Variants in ZNF140 observed in about 807,000 individuals in gnomAD.
The protein encoded by ZNF140 is zinc finger protein 140 (clone pHZ-39).
ZNF140 carries 13 observed loss-of-function variants against 12.9 expected under a neutral mutation model. That is an observed-to-expected ratio of 1.01 (90% CI 0.66 to 1.60). The LOEUF (loss-of-function observed/expected upper bound fraction) is 1.60, where lower values mean the gene tolerates loss of function less well. ZNF140 is among the 40% of genes most tolerant of loss of function. The pLI is 0.00. For missense variants in ZNF140, 531 were observed against 548.8 expected, an observed-to-expected ratio of 0.97 and a Z score of 0.32; for synonymous variants, 214 against 186.7, an observed-to-expected ratio of 1.15 and a Z score of -1.19.
At chr12:133,104,518 A>G (rs973171688) in intron 4 of ZNF140, among the ~76,000 whole-genome samples, 2 of 151,976 alleles carry the variant, frequency 1.3e-5, no homozygotes, top group Non-Finnish European at 2.9e-5. Flanking sequence ...CGCCTGGCTA[A>G]TTTTTTGTAT....
rs1210825844 is a variant in ZNF140 at position 133,096,737 on chromosome 12, T to G, written c.233-8773T>G. Reference sequence around the variant, plus strand: ...TTCCATTGTGGTCTGACAGCACATATTATATGATTTCTATTCTTTGAAATT... The same window carrying G: ...TTCCATTGTGGTCTGACAGCACATAGTATATGATTTCTATTCTTTGAAATT... On this transcript the variant is annotated intron_variant, in intron 4 of 4. Transcript: ENST00000355557. Among the ~76,000 whole-genome samples the G allele has an allele frequency of 2.6e-5, 4 of 152,368 alleles. 1 individual carries two copies. The highest frequency in any genetic ancestry group is 7.2e-5 in the African/African-American group (3 of 41,588).
chr12:133,087,542 G>A (rs1017732167), intron 4 of ZNF140, among the ~76,000 whole-genome samples: 1 of 146,528 alleles, frequency 6.8e-6, no homozygotes, highest in African/African-American at 2.5e-5. Flanking sequence ...AAAAGCGGGA[G>A]TGGAGGAGAA....
chr12:133,101,009 A>T, intron 4 of ZNF140: 1 of 454,968 alleles, frequency 2.2e-6, no homozygotes. Flanking sequence ...GTGAAAAACT[A>T]CAGAGGAGAG....
Position 133,106,380 on chromosome 12 carries a change from G to A in ZNF140, c.1103G>A (p.Trp368Ter). Reference protein sequence around the residue: ...ECDECGKVFTWHASLIQHTKS... With the variant: ...ECDECGKVFT ...GATGAATGTGGTAAAGTTTTCACTT[G>A]GCATGCATCCCTTATTCAACATACG... The change falls in exon 5 of 5, where the codon TGG becomes TAG. Residue 368 changes from tryptophan to a stop codon, truncating the protein, a stop_gained. Transcript: ENST00000355557. LOFTEE classifies it low-confidence loss of function (END_TRUNC). 6.2e-7 allele frequency: 1 copy of A among 1,614,084 alleles called. No homozygotes were observed. The highest frequency in any genetic ancestry group is 8.5e-7 in the Non-Finnish European group (1 of 1,180,014).
intron 4 of ZNF140, among the ~76,000 whole-genome samples, chr12:133,085,861 T>G (rs1211154230): frequency 1.3e-5 from 2 of 151,982 alleles, no homozygotes; most frequent in African/African-American, 4.8e-5. Flanking sequence ...CACAAAAAAA[T>G]TTTAAAAGCT....
chr12:133,083,341 T>G, intron 3 of ZNF140, 112 bp downstream of exon 3: 1 of 1,499,014 alleles, frequency 6.7e-7, no homozygotes, highest in South Asian at 1.3e-5. Flanking sequence ...AAAATTAGTT[T>G]TAAGATGGGG....
intron 4 of ZNF140, among the ~76,000 whole-genome samples, chr12:133,090,388 C>T (rs1954814890): frequency 6.6e-6 from 1 of 152,036 alleles, no homozygotes; most frequent in African/African-American, 2.4e-5. Context: ...AATGATCTAC[C>T]CACCTTGGCC....
chr12:133,106,450 T>C lies in ZNF140; in HGVS notation c.1173T>C (p.Asp391=). Residue 391 remains aspartate, a synonymous_variant, in exon 5 of 5, where the codon GAT becomes GAC. Transcript: ENST00000355557. ...AACCCTATGCGTGTGCTGAATGTGA[T>C]AAAGCCTTCAGCCGGAGCTTTTCCC... ...GEKPYACAEC[D]KAFSRSFSLI... The C allele has an allele frequency of 1.9e-6, 3 of 1,614,072 alleles. No individual in the cohort carries two copies. Among genetic ancestry groups the C allele is most frequent in the Non-Finnish European group, 1.7e-6 (2 of 1,179,998 alleles).
chr12:133,089,558 C>T (rs1394249826), intron 4 of ZNF140, among the ~76,000 whole-genome samples: 4 of 152,066 alleles, frequency 2.6e-5, no homozygotes, highest in African/African-American at 9.7e-5. Flanking sequence ...AGATAGTTTC[C>T]TCCTTATTGT....
chr12:133,099,625 C>T (rs1353566691), intron 4 of ZNF140, among the ~76,000 whole-genome samples: 2 of 152,188 alleles, frequency 1.3e-5, no homozygotes, highest in East Asian at 1.9e-4. Flanking sequence ...ATTTGAGGCT[C>T]TAGTGAAATA....
intron 4 of ZNF140, among the ~76,000 whole-genome samples, chr12:133,091,673 A>G (rs1180372179): frequency 1.3e-5 from 2 of 150,986 alleles, no homozygotes; most frequent in African/African-American, 4.9e-5. Flanking sequence ...ACAAGGATTA[A>G]TACAAAATTT....
At chr12:133,102,556 T>C (rs1233803044) in intron 4 of ZNF140, among the ~76,000 whole-genome samples, 3 of 151,892 alleles carry the variant, frequency 2.0e-5, no homozygotes, top group Non-Finnish European at 4.4e-5. Context: ...TGAAACCCCA[T>C]CTCTACTAAG....
At chr12:133,095,741 G>T (rs561006598) in intron 4 of ZNF140, among the ~76,000 whole-genome samples, 249 of 151,414 alleles carry the variant, frequency 1.6e-3, no homozygotes, top group African/African-American at 5.6e-3. Context: ...GTGAGCAAAA[G>T]AATCTATGTC....
At chr12:133,081,562 A>G (rs1304757364) in intron 2 of ZNF140, 1 of 454,768 alleles carries the variant, frequency 2.2e-6, no homozygotes, top group African/African-American at 2.0e-5. Flanking sequence ...TTCTCCTACA[A>G]CCACCTGCCT....
chr12:133,083,676 T>TA, intron 4 of ZNF140, 115 bp downstream of exon 4: 3 of 977,350 alleles, frequency 3.1e-6, no homozygotes, highest in Non-Finnish European at 4.6e-6. Flanking sequence ...ATACTAGAGA[T>TA]ACGCTAGGCA....
At chr12:133,105,383 C>A in intron 4 of ZNF140, 127 bp from the exon 5 acceptor site, 1 of 943,638 alleles carries the variant, frequency 1.1e-6, no homozygotes, top group Non-Finnish European at 1.5e-6. Context: ...ATTTCAGTCA[C>A]AGCTGTGAAA....
In ZNF140 at chr12:133,101,959, C is replaced by CT. The variant is rs1275544316; in HGVS notation, c.233-3539dup. Among the ~76,000 whole-genome samples the CT allele has an allele frequency of 6.4e-3, 928 of 145,840 alleles. 9 individuals carry two copies. Among genetic ancestry groups the CT allele is most frequent in the African/African-American group, 0.015 (593 of 40,004 alleles). On this transcript the variant is annotated intron_variant, in intron 4 of 4. Transcript: ENST00000355557. Reference sequence around the variant, plus strand: ...CTGATGCTTGTTCAGTCTGTTCAAACTTTTTTTTTTTTGCCATTTAGTATA... The same window carrying CT: ...CTGATGCTTGTTCAGTCTGTTCAAACTTTTTTTTTTTTTGCCATTTAGTATA...
At chr12:133,093,311 G>A (rs1358057629) in intron 4 of ZNF140, 2 of 626,152 alleles carry the variant, frequency 3.2e-6, no homozygotes, top group Admixed American at 2.6e-5. Context: ...ATAGTTAGTT[G>A]TAGCGGCTCC....
chr12:133,085,646 T>C (rs1954649527), intron 4 of ZNF140, among the ~76,000 whole-genome samples: 1 of 152,242 alleles, frequency 6.6e-6, no homozygotes, highest in East Asian at 1.9e-4. Flanking sequence ...TTCACTATAG[T>C]TGAGGTTCAT....
Sources: gnomAD v4.1 joint callset for allele counts (sites outside exome capture counted in the v4.1 genomes callset) on GRCh38, gnomAD v4.1.1 for gene constraint, MANE v1.5 for transcripts, NCBI Gene and HGNC (gene_info 2026-07-23, HGNC 2026-07-21) for gene names.